Variants in SASH1 observed in about 807,000 individuals in gnomAD.
The protein encoded by SASH1 is SAM and SH3 domain containing 1, also known as SAM and SH3 domain-containing protein 1.
Under a neutral mutation model 125.2 loss-of-function variants are expected in SASH1, and 44 were observed. The observed-to-expected ratio is 0.35, with a 90% CI of 0.28 to 0.45. The LOEUF (loss-of-function observed/expected upper bound fraction) is 0.45. SASH1 is among the 20% of genes least tolerant of loss of function. The pLI is 1.00. For missense variants in SASH1, 1,426 were observed against 1,614.5 expected (o/e 0.88, Z 2.00); for synonymous variants, 639 against 649.1 (o/e 0.98, Z 0.24).
At chr6:148,512,762 C>T in intron 8 of SASH1, 1 of 984,854 alleles carries the variant, frequency 1.0e-6, no homozygotes, top group Non-Finnish European at 1.2e-6. Flanking sequence ...CACTTGCAGG[C>T]AACATTTTAT....
rs570146119 is a variant in SASH1 at position 148,328,696 on chromosome 6, G to A, written n.74+56319G>A. ...CAGAAGTAAAACTTACCCAGCCTGGGATAAACCACCATAAATTGTGATTAG... is the reference window on the plus strand; with the variant it reads ...CAGAAGTAAAACTTACCCAGCCTGGAATAAACCACCATAAATTGTGATTAG... On this transcript the variant is annotated intron_variant and non_coding_transcript_variant, in intron 1 of 3. Transcript: ENST00000367469. Among the ~76,000 whole-genome samples, 261 of 152,186 alleles carry A rather than the reference G, an allele frequency of 1.7e-3. 1 individual carries two copies. Among genetic ancestry groups the A allele is most frequent in the Non-Finnish European group, 2.8e-3 (191 of 68,006 alleles).
At chr6:148,408,233 A>T (rs1784459166) in intron 2 of SASH1, among the ~76,000 whole-genome samples, 1 of 141,538 alleles carries the variant, frequency 7.1e-6, no homozygotes, top group African/African-American at 2.7e-5. Flanking sequence ...TCAACCTCCC[A>T]AGTAGCAGGG....
In SASH1 at chr6:148,543,866, GT is replaced by G; in HGVS notation, c.2397del (p.Cys799TrpfsTer6). On this transcript the variant is annotated frameshift_variant, in exon 18 of 20. Coordinates refer to ENST00000367467, the MANE Select transcript of SASH1 (RefSeq NM_015278.5). LOFTEE classifies it high-confidence loss of function. Reference protein sequence around the residue: ...GGLAPDTSKSCDPPGVTGLNK... With the variant: ...GGLAPDTSKSXDPPGVTGLNK... The stretch of plus-strand genomic sequence containing the variant: ...CTTGCCCCAGACACGTCCAAGAGCT[GT>G]GACCCACCTGGTGTGACTGGTTTGA... The G allele has an allele frequency of 1.2e-6, 2 of 1,614,200 alleles. No individual in the cohort carries two copies. Among genetic ancestry groups the G allele is most frequent in the Non-Finnish European group, 1.7e-6 (2 of 1,180,034 alleles).
At chr6:148,334,644 T>C (rs1315461424) in intron 1 of SASH1, among the ~76,000 whole-genome samples, 2 of 151,250 alleles carry the variant, frequency 1.3e-5, no homozygotes, top group Admixed American at 6.6e-5. Context: ...AAACCCCATC[T>C]CTACTAAAAA....
At chr6:148,470,663 A>C (rs1357909677) in intron 5 of SASH1, among the ~76,000 whole-genome samples, 2 of 152,182 alleles carry the variant, frequency 1.3e-5, no homozygotes, top group Non-Finnish European at 2.9e-5. Flanking sequence ...TTTTCACTTG[A>C]AAGTCACCGC....
At chr6:148,508,898 A>T (rs1265320456) in intron 8 of SASH1, 1 of 1,251,644 alleles carries the variant, frequency 8.0e-7, no homozygotes, top group South Asian at 1.2e-5. Flanking sequence ...GAATGCGTTC[A>T]ATGGGAAAGA....
chr6:148,481,526 C>T (rs918564282), intron 7 of SASH1, among the ~76,000 whole-genome samples: 11 of 152,124 alleles, frequency 7.2e-5, no homozygotes, highest in Admixed American at 3.3e-4. Flanking sequence ...AAGTGAGAAG[C>T]ATGCTACTCT....
the SASH1 span, among the ~76,000 whole-genome samples, chr6:148,252,581 C>T: frequency 6.6e-6 from 1 of 151,840 alleles, no homozygotes; most frequent in South Asian, 2.1e-4. Context: ...CAGGTTCAAG[C>T]GATTGTCCTG....
intron 2 of SASH1, among the ~76,000 whole-genome samples, chr6:148,411,732 C>T (rs1429123508): frequency 9.2e-5 from 14 of 152,086 alleles, no homozygotes; most frequent in Admixed American, 5.2e-4. Flanking sequence ...TTAGTAGAGA[C>T]GCAGTTTCAC....
chr6:148,349,563 C>T (rs546909618), intron 1 of SASH1, among the ~76,000 whole-genome samples: 147 of 152,190 alleles, frequency 9.7e-4, no homozygotes, highest in African/African-American at 3.2e-3. Flanking sequence ...GACGCCCGCC[C>T]GGCCAGAAAA....
intron 1 of SASH1, among the ~76,000 whole-genome samples, chr6:148,293,509 G>A (rs563140562): frequency 4.7e-4 from 71 of 152,340 alleles, no homozygotes; most frequent in African/African-American, 1.5e-3. Context: ...TGGACACTGG[G>A]CAGCACTGTG....
rs889125335 is a variant in SASH1, at chr6:148,527,610, T to A, written c.1428+14T>A. 1 of 1,589,362 alleles carries A rather than the reference T, an allele frequency of 6.3e-7. No individual in the cohort carries two copies. The highest frequency in any genetic ancestry group is 1.4e-5 in the African/African-American group (1 of 73,484). On this transcript the variant is annotated intron_variant, in intron 12 of 19. Coordinates refer to ENST00000367467, the MANE Select transcript of SASH1 (RefSeq NM_015278.5). ...GTCTCTGAGCAGGTATGCAGCTACC[T>A]GGTAGAATGTTCCCTTGGTTCTTCC...
chr6:148,524,097 T>TTTTA (rs375694517), intron 10 of SASH1, among the ~76,000 whole-genome samples: 3 of 79,550 alleles, frequency 3.8e-5, no homozygotes, highest in African/African-American at 9.3e-5. Flanking sequence ...ATTCAGTTAA[T>TTTTA]TATATATATA....
At chr6:148,370,172 A>C (rs1782656050) in intron 1 of SASH1, among the ~76,000 whole-genome samples, 1 of 152,200 alleles carries the variant, frequency 6.6e-6, no homozygotes, top group South Asian at 2.1e-4. Context: ...CCCTGTCTAC[A>C]CAAAGTATTC....
chr6:148,453,287 T>C (rs1777190518), intron 4 of SASH1, among the ~76,000 whole-genome samples: 2 of 152,152 alleles, frequency 1.3e-5, no homozygotes, highest in African/African-American at 4.8e-5. Flanking sequence ...CTCTCCTGCA[T>C]AAGAAGAAAC....
the SASH1 span, among the ~76,000 whole-genome samples, chr6:148,267,030 G>A: frequency 1.3e-5 from 2 of 152,242 alleles, no homozygotes; most frequent in South Asian, 4.1e-4. Context: ...GAATTCTGCT[G>A]CGAGTGGTCC....
chr6:148,469,570 C>CA (rs753035697), intron 5 of SASH1, among the ~76,000 whole-genome samples: 47 of 151,792 alleles, frequency 3.1e-4, no homozygotes, highest in Non-Finnish European at 4.7e-4. Flanking sequence ...CTTTCTCTAC[C>CA]AAAAATTTAA....
chr6:148,428,113 G>A (rs1056713716), intron 2 of SASH1, among the ~76,000 whole-genome samples: 1 of 152,196 alleles, frequency 6.6e-6, no homozygotes, highest in Non-Finnish European at 1.5e-5. Flanking sequence ...TTGTCTGTCT[G>A]TACTGTAGCA....
chr6:148,338,621 T>C (rs983128650), upstream of SASH1, among the ~76,000 whole-genome samples: 2 of 151,988 alleles, frequency 1.3e-5, no homozygotes, highest in Non-Finnish European at 2.9e-5. Context: ...ATATAAAACG[T>C]TCTTGGTAAA....
Sources: allele counts gnomAD v4.1 joint callset (sites outside exome capture counted in the v4.1 genomes callset), GRCh38; gene constraint gnomAD v4.1.1; transcripts MANE v1.5; gene names NCBI Gene and HGNC (gene_info 2026-07-23, HGNC 2026-07-21).